The following TENM4 variants were observed in gnomAD, a reference collection of about 807,000 sequenced individuals.
TENM4 encodes teneurin transmembrane protein 4.
Under a neutral mutation model 243.3 loss-of-function variants are expected in TENM4, and 82 were observed. The observed-to-expected ratio is 0.34, with a 90% CI of 0.28 to 0.40. TENM4 has a LOEUF of 0.40. TENM4 is among the 10% of genes least tolerant of loss of function. The pLI is 1.00. For synonymous variants in TENM4, 1,412 were observed against 1,456.3 expected (o/e 0.97, Z 0.69); for missense variants, 3,138 against 3,673.3 (o/e 0.85, Z 3.77).
At chr11:79,218,870 A>G (rs1210494118) in intron 2 of TENM4, among the ~76,000 whole-genome samples, 1 of 152,218 alleles carries the variant, frequency 6.6e-6, no homozygotes, top group African/African-American at 2.4e-5. Flanking sequence ...TTAGGAAGGG[A>G]TTATGGCATT....
At chr11:79,266,980 T>C (rs1855893949) in intron 2 of TENM4, among the ~76,000 whole-genome samples, 1 of 152,184 alleles carries the variant, frequency 6.6e-6, no homozygotes, top group Non-Finnish European at 1.5e-5. Context: ...TTGGATATCT[T>C]ATAGGAGTTT....
At chr11:79,240,375 G>A (rs1467347543) in intron 2 of TENM4, among the ~76,000 whole-genome samples, 1 of 151,952 alleles carries the variant, frequency 6.6e-6, no homozygotes, top group Non-Finnish European at 1.5e-5. Context: ...ATTTTAACAG[G>A]TCTGAGCAAT....
At chr11:79,043,149 C>T (rs1054955760) in intron 6 of TENM4, among the ~76,000 whole-genome samples, 1 of 152,252 alleles carries the variant, frequency 6.6e-6, no homozygotes, top group African/African-American at 2.4e-5. Context: ...CCCTCTCCAA[C>T]ACATTGTTGG....
intron 9 of TENM4, among the ~76,000 whole-genome samples, chr11:78,889,353 C>A (rs933447101): frequency 6.6e-6 from 1 of 152,172 alleles, no homozygotes; most frequent in Admixed American, 6.5e-5. Context: ...CAGGGTGCTC[C>A]ACCTCCTTCC....
At chr11:78,714,574 A>G (rs1859479885) in intron 25 of TENM4, among the ~76,000 whole-genome samples, 1 of 151,992 alleles carries the variant, frequency 6.6e-6, no homozygotes, top group Non-Finnish European at 1.5e-5. Flanking sequence ...CCAACCTGCC[A>G]TTTCAATGCT....
At chr11:79,148,155 G>A (rs1371734067) in intron 4 of TENM4, among the ~76,000 whole-genome samples, 1 of 152,118 alleles carries the variant, frequency 6.6e-6, no homozygotes, top group Non-Finnish European at 1.5e-5. Flanking sequence ...TATTCCAAGT[G>A]ACCAGGGTGG....
Position 79,351,063 on chromosome 11 carries a change from C to T in TENM4, c.-320-53520G>A, listed in dbSNP as rs186300138. Reference sequence around the variant, plus strand: ...TTTCTTCCTGTGCACCAGTCATGGGCCTACCTCAAGGCTGTATACTTGCTG... The same window carrying T: ...TTTCTTCCTGTGCACCAGTCATGGGTCTACCTCAAGGCTGTATACTTGCTG... On this transcript the variant is annotated intron_variant, in intron 1 of 33. Coordinates refer to ENST00000278550, the MANE Select transcript of TENM4 (RefSeq NM_001098816.3). Among the ~76,000 whole-genome samples the T allele has an allele frequency of 6.5e-4, 99 of 152,248 alleles. 1 individual carries two copies. The Middle Eastern group carries it at 0.01, about 16-fold the overall frequency.
rs1386834035 is a variant in TENM4 at position 78,762,622 on chromosome 11, G to A, written c.2540-5601C>T. On this transcript the variant is annotated intron_variant, in intron 18 of 33. Transcript: ENST00000278550. ...ATCATTTATTTAACAAATATTTGCT[G>A]AGTAGTAACTGCGGACAAAACTTCC... Among the ~76,000 whole-genome samples, 7 of 152,168 alleles carry A rather than the reference G, an allele frequency of 4.6e-5. 1 individual carries two copies. Among genetic ancestry groups the A allele is most frequent in the Admixed American group, 2.0e-4 (3 of 15,274 alleles).
At chr11:79,299,344 G>A (rs1295019291) in intron 1 of TENM4, among the ~76,000 whole-genome samples, 3 of 152,084 alleles carry the variant, frequency 2.0e-5, no homozygotes, top group Admixed American at 6.6e-5. Flanking sequence ...TGAAGGAGCC[G>A]GGACCAGGCC....
intron 6 of TENM4, among the ~76,000 whole-genome samples, chr11:79,034,064 T>A (rs1160804712): frequency 6.6e-6 from 1 of 152,162 alleles, no homozygotes; most frequent in African/African-American, 2.4e-5. Context: ...TCCTTATCTG[T>A]AAAATGGGAG....
chr11:79,246,746 C>CCAAACAATA (rs1269421824), intron 2 of TENM4, among the ~76,000 whole-genome samples: 1 of 151,898 alleles, frequency 6.6e-6, no homozygotes, highest in African/African-American at 2.4e-5. Context: ...TACTTAGATG[C>CCAAACAATA]CAAACAATAA....
At chr11:79,163,757 G>A (rs1429071867) in intron 3 of TENM4, among the ~76,000 whole-genome samples, 1 of 140,386 alleles carries the variant, frequency 7.1e-6, no homozygotes, top group African/African-American at 2.7e-5. Context: ...TCCATGGTAT[G>A]TGTATATATA....
At chr11:79,424,633 CAAA>C (rs58550229) in intron 1 of TENM4, among the ~76,000 whole-genome samples, 2 of 134,154 alleles carry the variant, frequency 1.5e-5, no homozygotes, top group Non-Finnish European at 3.2e-5. Flanking sequence ...ACCCTGTCTC[CAAA>C]AAAAAAAAAT....
intron 28 of TENM4, among the ~76,000 whole-genome samples, chr11:78,697,580 T>C (rs1234172852): frequency 6.6e-6 from 1 of 152,212 alleles, no homozygotes; most frequent in Non-Finnish European, 1.5e-5. Context: ...CACTACAGCA[T>C]ATCTTTTCTT....
At chr11:79,358,751 C>CTTTCCTTTCCT (rs1565313806) in intron 1 of TENM4, among the ~76,000 whole-genome samples, 1 of 149,856 alleles carries the variant, frequency 6.7e-6, no homozygotes. Flanking sequence ...CTTTCCTTTC[C>CTTTCCTTTCCT]TTTTTTCCTT....
chr11:79,318,909 T>G (rs1233159353), intron 1 of TENM4, among the ~76,000 whole-genome samples: 1 of 152,144 alleles, frequency 6.6e-6, no homozygotes, highest in African/African-American at 2.4e-5. Flanking sequence ...GTGATCTGAC[T>G]GGATGGCTGT....
chr11:79,259,360 C>T (rs1156607782), intron 2 of TENM4, among the ~76,000 whole-genome samples: 1 of 152,182 alleles, frequency 6.6e-6, no homozygotes, highest in African/African-American at 2.4e-5. Context: ...CTATCTGTTA[C>T]ATGTTAAGTC....
At chr11:78,974,725 T>C (rs1303307860) in intron 6 of TENM4, among the ~76,000 whole-genome samples, 11 of 64,864 alleles carry the variant, frequency 1.7e-4, no homozygotes, top group African/African-American at 6.2e-4. Context: ...TTTCTTTTCT[T>C]TTTTTTTTTT....
chr11:78,943,779 T>C (rs1198454800), intron 6 of TENM4, among the ~76,000 whole-genome samples: 1 of 152,240 alleles, frequency 6.6e-6, no homozygotes, highest in African/African-American at 2.4e-5. Context: ...AAAAGTAGTA[T>C]GTGGTAAATA....
Sources: allele counts gnomAD v4.1 joint callset (sites outside exome capture counted in the v4.1 genomes callset), GRCh38; gene constraint gnomAD v4.1.1; transcripts MANE v1.5; gene names NCBI Gene and HGNC (gene_info 2026-07-23, HGNC 2026-07-21).